Variants in POLR2F observed in about 807,000 individuals in gnomAD.
POLR2F encodes the protein RNA polymerase II, I and III subunit F.
POLR2F carries 12 observed loss-of-function variants against 22.7 expected under a neutral mutation model. The ratio of observed to expected loss-of-function variants is 0.53; its 90% CI spans 0.34 to 0.86. The LOEUF is 0.86. Ranked by LOEUF, POLR2F falls within the 40% of genes least tolerant of loss-of-function variation. The pLI, the probability that POLR2F is intolerant of heterozygous loss-of-function variation, is 0.02. For missense variants in POLR2F, 126 were observed against 171.5 expected, an observed-to-expected ratio of 0.73 and a Z score of 1.48; for synonymous variants, 57 against 66.0, an observed-to-expected ratio of 0.86 and a Z score of 0.66.
At chr22:38,028,549 CAT>C (rs2085036412), downstream of POLR2F, among the ~76,000 whole-genome samples, 3 of 151,654 alleles carry the variant, frequency 2.0e-5, no homozygotes, top group African/African-American at 4.9e-5. Context: ...TACGTGTGTG[CAT>C]GTATGTGTGT....
intron 4 of POLR2F, among the ~76,000 whole-genome samples, chr22:37,979,426 C>G (rs948748111): frequency 2.0e-5 from 3 of 151,960 alleles, no homozygotes; most frequent in Non-Finnish European, 4.4e-5. Flanking sequence ...ATGCTGCTTG[C>G]GGGGGTGGTT....
downstream of POLR2F, among the ~76,000 whole-genome samples, chr22:37,969,882 G>C (rs1931992963): frequency 1.3e-5 from 2 of 152,142 alleles, no homozygotes; most frequent in Admixed American, 1.3e-4. Flanking sequence ...GAATGCCAGA[G>C]ATCAGTGAAT....
At chr22:37,979,836 G>A (rs973306625) in intron 4 of POLR2F, among the ~76,000 whole-genome samples, 1 of 152,100 alleles carries the variant, frequency 6.6e-6, no homozygotes, top group African/African-American at 2.4e-5. Flanking sequence ...TTGGTACTGA[G>A]AATCCATGAG....
At chr22:37,989,873 G>A (rs983773786) in intron 1 of POLR2F, among the ~76,000 whole-genome samples, 2 of 152,182 alleles carry the variant, frequency 1.3e-5, no homozygotes, top group Non-Finnish European at 2.9e-5. Context: ...CCCCTGGAGC[G>A]CTGTCCTCCC....
At chr22:37,957,648 C>T (rs998903642) in intron 2 of POLR2F, among the ~76,000 whole-genome samples, 2 of 152,178 alleles carry the variant, frequency 1.3e-5, no homozygotes, top group Admixed American at 6.5e-5. Context: ...CCTTCTCCAT[C>T]CTTCTGGTCC....
chr22:37,978,070 T>C lies in POLR2F; in HGVS notation c.293+10900T>C, dbSNP rs1339469483. The C allele has an allele frequency of 1.2e-6, 2 of 1,609,006 alleles. No individual in the cohort carries two copies. The highest frequency in any genetic ancestry group is 8.5e-7 in the Non-Finnish European group (1 of 1,178,372). Reference sequence around the variant, plus strand: ...GTACTTGTAGTCCGGGTGGTCTTTCTTGTGCTGCATACGGAGCCGCTCAGC... The same window carrying C: ...GTACTTGTAGTCCGGGTGGTCTTTCCTGTGCTGCATACGGAGCCGCTCAGC... On this transcript the variant is annotated intron_variant, in intron 4 of 4. Transcript: ENST00000405557. The surrounding 1 kb of genome is among the most constrained non-coding windows in gnomAD (Gnocchi z 5.0).
At chr22:38,037,215 A>C (rs948087823) in intron 5 of POLR2F, among the ~76,000 whole-genome samples, 1 of 151,934 alleles carries the variant, frequency 6.6e-6, no homozygotes, top group Non-Finnish European at 1.5e-5. Context: ...GAAGGAAGGA[A>C]GGACTGACCT....
Position 38,018,151 on chromosome 22 carries a change from A to T in POLR2F, c.121-7718A>T, listed in dbSNP as rs116024075. 4.1e-3 allele frequency among the ~76,000 whole-genome samples: 624 copies of T among 152,278 alleles called. 6 individuals are homozygous for T. The highest frequency in any genetic ancestry group is 0.015 in the African/African-American group (604 of 41,546). ...AGCCAGGGCAAGGGCTCAGGCTGTG[A>T]TCGAAACCAGGGCTCATCTGTGAAC... On this transcript the variant is annotated intron_variant, in intron 1 of 2. Coordinates refer to the POLR2F transcript ENST00000333418.
At chr22:37,965,969 C>T (rs1931837953) in intron 3 of POLR2F, among the ~76,000 whole-genome samples, 1 of 152,162 alleles carries the variant, frequency 6.6e-6, no homozygotes. Context: ...GTGGTAGAGT[C>T]CCCACTGTGG....
chr22:37,983,514 G>T (rs1177855369), upstream of POLR2F: 2 of 1,610,216 alleles, frequency 1.2e-6, no homozygotes, highest in African/African-American at 1.3e-5. This position sits in a 1 kb window ranked among gnomAD's most constrained non-coding sequence, Gnocchi z 9.5. Context: ...ACGCGCACGG[G>T]CATGGGCACC....
rs73886242 is a variant in POLR2F at position 38,034,480 on chromosome 22, G to A, written c.453-6588G>A. Among the ~76,000 whole-genome samples, 1,488 of 152,268 alleles carry A rather than the reference G, an allele frequency of 9.8e-3. 26 individuals carry two copies. The highest frequency in any genetic ancestry group is 0.034 in the African/African-American group (1,415 of 41,546). ...GGGGAGGGGATAATGCAAAACCAGC[G>A]ACCTCCTGCACCAGCTCTAAGGAGA... On this transcript the variant is annotated intron_variant, in intron 5 of 5. Transcript: ENST00000407936.
chr22:38,036,175 C>T (rs1408697568), intron 5 of POLR2F, among the ~76,000 whole-genome samples: 3 of 151,626 alleles, frequency 2.0e-5, no homozygotes, highest in Non-Finnish European at 2.9e-5. Flanking sequence ...CGGGGTTTTG[C>T]CATGTTGACC....
chr22:37,970,952 C>G (rs552198598), downstream of POLR2F: 1 of 271,402 alleles, frequency 3.7e-6, no homozygotes, highest in Non-Finnish European at 7.4e-6. Flanking sequence ...TCCAGCTTCA[C>G]GGGAACCAGC....
Position 38,016,057 on chromosome 22 carries a change from C to T in POLR2F, c.121-9812C>T, listed in dbSNP as rs1438319615. ...TAGCCCACACCAGCAGTGTCAGGCCCACTGCCCTAGGCTCCTACATACTCA... is the reference window on the plus strand; with the variant it reads ...TAGCCCACACCAGCAGTGTCAGGCCTACTGCCCTAGGCTCCTACATACTCA... On this transcript the variant is annotated intron_variant, in intron 1 of 2. Coordinates refer to the POLR2F transcript ENST00000333418. This position sits in a 1 kb window ranked among gnomAD's most constrained non-coding sequence, Gnocchi z 4.4. Among the ~76,000 whole-genome samples the T allele has an allele frequency of 6.6e-6, 1 of 152,166 alleles. No homozygotes were observed. The highest frequency in any genetic ancestry group is 1.5e-5 in the Non-Finnish European group (1 of 68,020).
chr22:37,970,109 C>G (rs1931998573), downstream of POLR2F, among the ~76,000 whole-genome samples: 1 of 151,484 alleles, frequency 6.6e-6, no homozygotes, highest in Admixed American at 6.6e-5. Context: ...CTGGCTAACA[C>G]AGTGAAACCC....
At chr22:37,995,262 G>T (rs1004208273) in intron 1 of POLR2F, among the ~76,000 whole-genome samples, 1 of 152,222 alleles carries the variant, frequency 6.6e-6, no homozygotes, top group East Asian at 1.9e-4. Context: ...AAGTGCTCGG[G>T]GTTGGACATG....
At chr22:38,019,788 G>A (rs2084944566) in intron 1 of POLR2F, among the ~76,000 whole-genome samples, 1 of 152,228 alleles carries the variant, frequency 6.6e-6, no homozygotes, top group Non-Finnish European at 1.5e-5. Context: ...ATGGAGGCAG[G>A]TGGATCACCT....
intron 1 of POLR2F, among the ~76,000 whole-genome samples, chr22:37,992,650 C>T (rs980428602): frequency 3.9e-5 from 6 of 152,196 alleles, no homozygotes; most frequent in African/African-American, 9.7e-5. Context: ...TCGCCCGCCT[C>T]GGCCTCCCAA....
chr22:38,040,282 CAA>C (rs58402199), intron 5 of POLR2F: 1,705 of 58,410 alleles, frequency 0.029, 24 homozygotes, highest in African/African-American at 0.11. Context: ...GACCCTGTCT[CAA>C]AAAAAAAAAA....
Sources: allele counts gnomAD v4.1 joint callset (sites outside exome capture counted in the v4.1 genomes callset), GRCh38; gene constraint gnomAD v4.1.1; non-coding constraint Gnocchi (gnomAD v3.1); transcripts MANE v1.5; gene names NCBI Gene and HGNC (gene_info 2026-07-23, HGNC 2026-07-21).